The following HIVEP3 variants were observed in gnomAD, a reference collection of about 807,000 sequenced individuals.
The protein encoded by HIVEP3 is transcription factor HIVEP3.
A neutral mutation model predicts 152.8 loss-of-function variants in HIVEP3; 49 were observed. The observed-to-expected ratio is 0.32, with a 90% CI of 0.26 to 0.41. HIVEP3 has a LOEUF of 0.41. Among genes scored for constraint, HIVEP3 ranks in the 10% least tolerant of loss-of-function variants. HIVEP3 has a pLI of 1.00. For missense variants in HIVEP3, 2,790 were observed against 3,103.3 expected (o/e 0.90, Z 2.40); for synonymous variants, 1,269 against 1,289.0 (o/e 0.98, Z 0.33).
chr1:41,774,032 C>G (rs1243990842), intron 1 of HIVEP3, among the ~76,000 whole-genome samples: 1 of 152,232 alleles, frequency 6.6e-6, no homozygotes, highest in Non-Finnish European at 1.5e-5. Flanking sequence ...ATCCTAGGAG[C>G]AGATGCTTCT....
chr1:41,660,189 G>A (rs1187145793), intron 2 of HIVEP3, among the ~76,000 whole-genome samples: 1 of 152,164 alleles, frequency 6.6e-6, no homozygotes, highest in Non-Finnish European at 1.5e-5. Context: ...ACACACGTGT[G>A]TATGTGTGCA....
chr1:41,510,864 C>T lies in HIVEP3; in HGVS notation c.6808G>A (p.Glu2270Lys), dbSNP rs1373115945. Residue 2270 changes from glutamate to lysine, a missense_variant, in exon 9 of 9, where the codon GAG becomes AAG. This residue lies in a region of HIVEP3 where 816 missense variants were observed against 806.5 expected (regional missense o/e 1.01). Transcript: ENST00000372583. The stretch of plus-strand genomic sequence containing the variant: ...CTCTCCTTGGGGTAGTCCCCGCCCT[C>T]CAGCTCTGAGGAGAGTGTGAATTTG... ...VSKFTLSSELEGGDYPKERER... is the reference protein window; with the variant it reads ...VSKFTLSSELKGGDYPKERER... 5.6e-6 allele frequency: 9 copies of T among 1,613,238 alleles called. No individual in the cohort carries two copies. The highest frequency in any genetic ancestry group is 7.6e-6 in the Non-Finnish European group (9 of 1,179,900).
chr1:41,737,523 C>T (rs2124199383), intron 1 of HIVEP3, among the ~76,000 whole-genome samples: 1 of 152,320 alleles, frequency 6.6e-6, no homozygotes, highest in South Asian at 2.1e-4. Flanking sequence ...GTGTCCTGGG[C>T]TACCATGGCC....
At chr1:41,973,500 C>A (rs1482145728) in intron 1 of HIVEP3, among the ~76,000 whole-genome samples, 1 of 152,198 alleles carries the variant, frequency 6.6e-6, no homozygotes, top group Non-Finnish European at 1.5e-5. Context: ...AGTTCCTTGC[C>A]ATGTGAGCGT....
exon 1 of HIVEP3, chr1:42,035,905 G>C (rs886455339): frequency 1.3e-5 from 2 of 150,382 alleles, no homozygotes; most frequent in African/African-American, 4.9e-5. Context: ...GGCATGCGAG[G>C]AGCCGTGGCG....
chr1:41,858,235 T>C (rs1355279514), intron 1 of HIVEP3, among the ~76,000 whole-genome samples: 1 of 152,206 alleles, frequency 6.6e-6, no homozygotes, highest in Admixed American at 6.5e-5. Context: ...TTCCACCATA[T>C]TGGAATGGAC....
chr1:41,845,404 TAC>T lies in HIVEP3; in HGVS notation c.-801+73007_-801+73008del, dbSNP rs1181074543. Among the ~76,000 whole-genome samples, 320 of 119,284 alleles carry T rather than the reference TAC, an allele frequency of 2.7e-3. 1 individual carries two copies. The highest frequency in any genetic ancestry group is 0.011 in the African/African-American group (290 of 27,514). The allele number at this position is 119,284 out of a possible 152,430, so 78.3% of individuals were successfully genotyped here. A position where few individuals can be genotyped will look rare whatever the true frequency, so the allele number is the denominator to read the frequency against. On this transcript the variant is annotated intron_variant, in intron 1 of 8. Transcript: ENST00000372583. ...GCAACAACCACCTACACACCTCCTA[TAC>T]ACACACACACACGCACACACACACA...
chr1:41,934,455 T>C (rs763755718), intron 1 of HIVEP3, among the ~76,000 whole-genome samples: 56 of 152,126 alleles, frequency 3.7e-4, no homozygotes, highest in Non-Finnish European at 5.4e-4. Flanking sequence ...TCAAGAAAAG[T>C]TGTGAACTTT....
At chr1:41,920,577 G>GTTTTTTTTTTTTTTT (rs10708045), upstream of HIVEP3, among the ~76,000 whole-genome samples, 1 of 123,180 alleles carries the variant, frequency 8.1e-6, no homozygotes. Flanking sequence ...AAACAAGATG[G>GTTTTTTTTTTTTTTT]TTTTTTTTTT....
intron 1 of HIVEP3, among the ~76,000 whole-genome samples, chr1:41,754,307 C>G (rs976899039): frequency 6.6e-6 from 1 of 152,080 alleles, no homozygotes; most frequent in Non-Finnish European, 1.5e-5. Flanking sequence ...AACCCTCTGG[C>G]TTCTGGGTGG....
At position 41,900,378 on chromosome 1, in the gene HIVEP3, T is replaced by A. The variant is rs138152028; in HGVS notation, c.-801+18035A>T. 2.1e-4 allele frequency among the ~76,000 whole-genome samples: 32 copies of A among 152,326 alleles called. No homozygotes were observed. In the East Asian group the frequency reaches 5.8e-3, roughly 28 times the overall value. ...TAGACTCCCAAAAGTTATTCTCACATCCAGTGGAGGGAAGAGGAGGGAGCA... is the reference window on the plus strand; with the variant it reads ...TAGACTCCCAAAAGTTATTCTCACAACCAGTGGAGGGAAGAGGAGGGAGCA... On this transcript the variant is annotated intron_variant, in intron 1 of 8. Transcript: ENST00000372583.
chr1:42,012,564 C>T (rs193221356), intron 1 of HIVEP3, among the ~76,000 whole-genome samples: 4 of 152,206 alleles, frequency 2.6e-5, no homozygotes, highest in African/African-American at 9.6e-5. Flanking sequence ...GTGGCAGGCA[C>T]CTGTAATCTC....
At position 41,513,366 on chromosome 1, in the gene HIVEP3, T is replaced by C; in HGVS notation, c.5855A>G (p.Lys1952Arg). 6.2e-7 allele frequency: 1 copy of C among 1,612,494 alleles called. No individual in the cohort carries two copies. The highest frequency in any genetic ancestry group is 8.5e-7 in the Non-Finnish European group (1 of 1,179,708). Residue 1952 changes from lysine to arginine, a missense_variant, in exon 8 of 9, where the codon AAA (lysine) becomes AGA (arginine). This residue lies in a region of HIVEP3 where 816 missense variants were observed against 806.5 expected (regional missense o/e 1.01). Transcript: ENST00000372583. Reference protein sequence around the residue: ...LGPAPLGSVEKDTGSALSYKP... With the variant: ...LGPAPLGSVERDTGSALSYKP... ...GTAGCTCAAGGCTGAGCCTGTGTCT[T>C]TCTCCACAGAGCCCAGAGGGGCCGG... is the stretch of plus-strand genomic sequence containing the variant.
chr1:41,976,277 C>A (rs1272737551), intron 1 of HIVEP3, among the ~76,000 whole-genome samples: 1 of 152,176 alleles, frequency 6.6e-6, no homozygotes, highest in African/African-American at 2.4e-5. Flanking sequence ...CTCTCTAAAG[C>A]ACTATTATTC....
At chr1:41,924,980 C>T (rs1240308122) in intron 1 of HIVEP3, among the ~76,000 whole-genome samples, 1 of 152,134 alleles carries the variant, frequency 6.6e-6, no homozygotes, top group African/African-American at 2.4e-5. Flanking sequence ...ACTTGGTCAC[C>T]TCCCCTGAAC....
intron 1 of HIVEP3, among the ~76,000 whole-genome samples, chr1:41,968,605 CTGAA>C (rs1277044810): frequency 6.6e-6 from 1 of 152,186 alleles, no homozygotes; most frequent in African/African-American, 2.4e-5. Context: ...CAATATCATA[CTGAA>C]TGGGCAAAAG....
chr1:41,929,484 C>A (rs192457418), intron 1 of HIVEP3, among the ~76,000 whole-genome samples: 1 of 151,760 alleles, frequency 6.6e-6, no homozygotes. Context: ...CCTACCCAGT[C>A]CTGGAGCCTA....
intron 2 of HIVEP3, among the ~76,000 whole-genome samples, chr1:41,666,726 G>A (rs76147885): frequency 0.028 from 4,297 of 152,096 alleles, 215 homozygotes; most frequent in African/African-American, 0.099. Flanking sequence ...CCCTGGCACC[G>A]TGCCCAGCTT....
intron 5 of HIVEP3, among the ~76,000 whole-genome samples, chr1:41,572,813 A>G (rs1204944997): frequency 1.3e-5 from 2 of 152,274 alleles, no homozygotes; most frequent in Admixed American, 1.3e-4. Flanking sequence ...GTCTACATGT[A>G]TCAACATGGA....
Sources: gnomAD v4.1 joint callset for allele counts (sites outside exome capture counted in the v4.1 genomes callset) on GRCh38, gnomAD v4.1.1 for gene constraint, gnomAD v4.1.1 regional missense constraint, MANE v1.5 for transcripts, NCBI Gene and HGNC (gene_info 2026-07-23, HGNC 2026-07-21) for gene names.